Variants in PIK3C3 observed in about 807,000 individuals in gnomAD.
PIK3C3 encodes the protein phosphatidylinositol 3-kinase catalytic subunit type 3, also known as PI3-kinase type 3.
PIK3C3 carries 95 observed loss-of-function variants against 126.1 expected under a neutral mutation model. The observed-to-expected ratio is 0.75, with a 90% confidence interval of 0.64 to 0.89. PIK3C3 has a LOEUF of 0.89. Ranked by LOEUF, PIK3C3 falls within the 40% of genes least tolerant of loss-of-function variation. PIK3C3 has a pLI of 0.00. For missense variants in PIK3C3, 829 were observed against 1,063.2 expected (o/e 0.78, Z 3.06); for synonymous variants, 374 against 360.0 (o/e 1.04, Z -0.44).
At chr18:41,988,000 T>C in intron 5 of PIK3C3, 102 bp downstream of exon 5, 1 of 680,966 alleles carries the variant, frequency 1.5e-6, no homozygotes, top group Non-Finnish European at 2.4e-6. Flanking sequence ...AATATAGGAT[T>C]ATCAGGGTTA....
intron 22 of PIK3C3, among the ~76,000 whole-genome samples, chr18:42,059,499 T>C (rs1286689338): frequency 6.6e-6 from 1 of 152,144 alleles, no homozygotes; most frequent in Non-Finnish European, 1.5e-5. Flanking sequence ...GAATGATAAC[T>C]AGAGAAATGT....
chr18:41,981,435 C>T (rs967970767), intron 4 of PIK3C3, among the ~76,000 whole-genome samples: 2 of 152,270 alleles, frequency 1.3e-5, no homozygotes, highest in Admixed American at 6.5e-5. Context: ...GCAAATACTA[C>T]TCTTCCTGAA....
chr18:41,997,792 C>T (rs75177026), intron 9 of PIK3C3, among the ~76,000 whole-genome samples: 4 of 152,070 alleles, frequency 2.6e-5, no homozygotes, highest in African/African-American at 9.7e-5. Flanking sequence ...TACATGCTGC[C>T]TCTTGATATG....
chr18:42,057,517 C>G (rs144917025), intron 21 of PIK3C3: 89 of 184,192 alleles, frequency 4.8e-4, no homozygotes, highest in African/African-American at 2.0e-3. Context: ...GGGCACTGTG[C>G]TTAAACTTTA....
At chr18:42,039,908 C>T (rs938083321) in intron 18 of PIK3C3, among the ~76,000 whole-genome samples, 4 of 152,098 alleles carry the variant, frequency 2.6e-5, no homozygotes, top group Non-Finnish European at 5.9e-5. Flanking sequence ...GCCAACTATT[C>T]TGTATTTATG....
At chr18:42,079,998 A>AGTGTGTGT (rs71174081) in intron 24 of PIK3C3, among the ~76,000 whole-genome samples, 3 of 137,348 alleles carry the variant, frequency 2.2e-5, no homozygotes, top group Non-Finnish European at 3.2e-5. Context: ...TAAGAGAGAG[A>AGTGTGTGT]GTGTGTGTGT....
At chr18:42,043,167 C>T (rs1053407385) in intron 19 of PIK3C3, among the ~76,000 whole-genome samples, 2 of 150,670 alleles carry the variant, frequency 1.3e-5, no homozygotes, top group African/African-American at 4.9e-5. Context: ...GGTGCGATCT[C>T]GGCTCACTGC....
At chr18:42,041,191 C>A (rs1444592941) in intron 19 of PIK3C3, among the ~76,000 whole-genome samples, 2 of 150,814 alleles carry the variant, frequency 1.3e-5, no homozygotes, top group Non-Finnish European at 3.0e-5. Context: ...CAAAAAAAAA[C>A]AAAAAAAACC....
intron 10 of PIK3C3, 43 bp from the exon 11 acceptor site, chr18:42,013,399 G>A (rs1982921546): frequency 1.8e-6 from 2 of 1,094,676 alleles, no homozygotes; most frequent in East Asian, 2.7e-5. Flanking sequence ...TAATAATTTT[G>A]CATTCTTTTC....
At chr18:42,015,430 G>C (rs756797144) in intron 11 of PIK3C3, 46 bp from the exon 12 acceptor site, 16 of 1,444,706 alleles carry the variant, frequency 1.1e-5, no homozygotes, top group Admixed American at 6.7e-5. Context: ...TTCTCTTATG[G>C]ACAGAGTATT....
intron 13 of PIK3C3, among the ~76,000 whole-genome samples, chr18:42,022,043 C>G (rs1169462293): frequency 6.6e-6 from 1 of 152,168 alleles, no homozygotes; most frequent in Admixed American, 6.5e-5. Flanking sequence ...TCAAGTCCAG[C>G]CTTAACTTCA....
chr18:42,043,855 AAAG>A (rs1984438958), intron 20 of PIK3C3, 38 bp downstream of exon 20: 1 of 1,372,786 alleles, frequency 7.3e-7, no homozygotes, highest in African/African-American at 1.4e-5. Flanking sequence ...TTGATCAGAT[AAAG>A]AAGAGCAGGC....
At chr18:41,967,309 C>T (rs191631995) in intron 3 of PIK3C3, among the ~76,000 whole-genome samples, 3 of 152,202 alleles carry the variant, frequency 2.0e-5, no homozygotes, top group South Asian at 2.1e-4. Flanking sequence ...CAGCAAGAAG[C>T]GCGTGCAGAT....
chr18:42,051,454 C>T (rs1300763641), intron 21 of PIK3C3: 1 of 151,834 alleles, frequency 6.6e-6, no homozygotes, highest in African/African-American at 2.4e-5. Flanking sequence ...AATAATTTAA[C>T]ATAATACATC....
Position 42,053,722 on chromosome 18 carries a change from AT to A in PIK3C3, c.2263+4124del, listed in dbSNP as rs1486959266. Among the ~76,000 whole-genome samples the A allele has an allele frequency of 2.0e-5, 3 of 152,184 alleles. No individual in the cohort carries two copies. In the South Asian group the frequency reaches 6.2e-4, roughly 32 times the overall value. ...ATCCCAGCTCTTTGGAGAAAGGTTAATTTTTTTGTTTTTATTTTTGGGAGTT... is the reference window on the plus strand; with the variant it reads ...ATCCCAGCTCTTTGGAGAAAGGTTAATTTTTTGTTTTTATTTTTGGGAGTT... On this transcript the variant is annotated intron_variant, in intron 21 of 24. Transcript: ENST00000262039.
At chr18:41,972,583 C>G (rs1398655785) in intron 4 of PIK3C3, among the ~76,000 whole-genome samples, 1 of 152,072 alleles carries the variant, frequency 6.6e-6, no homozygotes, top group Non-Finnish European at 1.5e-5. Flanking sequence ...TAGAATTGTA[C>G]TTTTAACTTC....
intron 24 of PIK3C3, among the ~76,000 whole-genome samples, chr18:42,073,965 A>G (rs1985878744): frequency 6.6e-6 from 1 of 152,148 alleles, no homozygotes; most frequent in African/African-American, 2.4e-5. Flanking sequence ...GAGTATGTAT[A>G]AAAACATTTA....
chr18:42,007,853 A>T (rs1371545782), intron 10 of PIK3C3, among the ~76,000 whole-genome samples: 1 of 152,172 alleles, frequency 6.6e-6, no homozygotes, highest in Non-Finnish European at 1.5e-5. Flanking sequence ...TTCAATATTC[A>T]TCTTTGTCTT....
At chr18:42,027,392 T>C in intron 13 of PIK3C3, 51 bp from the exon 14 acceptor site, 1 of 1,024,794 alleles carries the variant, frequency 9.8e-7, no homozygotes, top group Non-Finnish European at 1.5e-6. Flanking sequence ...ATTTACAAAC[T>C]GAATCTAAGT....
Sources: gnomAD v4.1 joint callset for allele counts (sites outside exome capture counted in the v4.1 genomes callset) on GRCh38, gnomAD v4.1.1 for gene constraint, MANE v1.5 for transcripts, NCBI Gene and HGNC (gene_info 2026-07-23, HGNC 2026-07-21) for gene names.